The following PCDH15 variants were observed in gnomAD, a reference collection of about 807,000 sequenced individuals.
PCDH15 encodes the protein protocadherin related 15, also known as protocadherin-15.
PCDH15 carries 129 observed loss-of-function variants against 178.5 expected under a neutral mutation model. The observed-to-expected ratio is 0.72, with a 90% CI of 0.63 to 0.84. The LOEUF is 0.84. PCDH15 is among the 40% of genes least tolerant of loss of function. The pLI, the probability that PCDH15 is intolerant of heterozygous loss-of-function variation, is 0.00. For synonymous variants in PCDH15, 800 were observed against 732.0 expected (o/e 1.09, Z -1.50); for missense variants, 2,230 against 2,099.9 (o/e 1.06, Z -1.21).
intron 1 of PCDH15, among the ~76,000 whole-genome samples, chr10:54,778,407 G>A (rs193201430): frequency 7.2e-5 from 11 of 152,098 alleles, no homozygotes; most frequent in Admixed American, 2.0e-4. Context: ...GTGGAGGGGC[G>A]TTATCAGCTA....
intron 1 of PCDH15, among the ~76,000 whole-genome samples, chr10:54,759,960 G>A (rs1175592616): frequency 1.3e-5 from 2 of 152,116 alleles, no homozygotes; most frequent in Admixed American, 1.3e-4. Context: ...TTTATTTCAT[G>A]ACCTTATCCC....
intron 15 of PCDH15, among the ~76,000 whole-genome samples, chr10:54,093,345 G>A (rs2094634798): frequency 6.6e-6 from 1 of 151,994 alleles, no homozygotes; most frequent in Non-Finnish European, 1.5e-5. Flanking sequence ...GGTCGAGGGT[G>A]GTATAATAAT....
chr10:54,370,463 G>A (rs772845489), intron 4 of PCDH15, among the ~76,000 whole-genome samples: 1 of 151,842 alleles, frequency 6.6e-6, no homozygotes, highest in Non-Finnish European at 1.5e-5. Flanking sequence ...CAACCTGTGT[G>A]TTATTTTAGT....
At chr10:54,386,067 G>T (rs1949880661) in intron 3 of PCDH15, among the ~76,000 whole-genome samples, 1 of 149,990 alleles carries the variant, frequency 6.7e-6, no homozygotes, top group African/African-American at 2.5e-5. Context: ...CATTGGTTTT[G>T]TATCCTACTA....
chr10:54,360,095 A>C (rs1322775641), intron 5 of PCDH15, among the ~76,000 whole-genome samples: 2 of 152,086 alleles, frequency 1.3e-5, no homozygotes, highest in Non-Finnish European at 2.9e-5. Context: ...CAAAAGTTAC[A>C]TTTGCCCTGT....
intron 2 of PCDH15, among the ~76,000 whole-genome samples, chr10:55,143,121 C>G (rs1838399105): frequency 1.3e-5 from 2 of 152,098 alleles, no homozygotes; most frequent in South Asian, 2.1e-4. Flanking sequence ...GTAAGTGGTG[C>G]CTTGCTTCCC....
At chr10:54,304,266 T>C (rs1358130990) in intron 8 of PCDH15, among the ~76,000 whole-genome samples, 3 of 152,104 alleles carry the variant, frequency 2.0e-5, no homozygotes, top group Non-Finnish European at 2.9e-5. Flanking sequence ...AAAACAGAGC[T>C]ACTATAAATT....
At chr10:53,921,346 C>T (rs2083981893) in intron 25 of PCDH15, among the ~76,000 whole-genome samples, 1 of 152,080 alleles carries the variant, frequency 6.6e-6, no homozygotes, top group Non-Finnish European at 1.5e-5. Context: ...TCTACACCAA[C>T]CTTACCAAGC....
chr10:54,944,446 C>A (rs535308924), intron 2 of PCDH15, among the ~76,000 whole-genome samples: 31 of 151,806 alleles, frequency 2.0e-4, no homozygotes, highest in African/African-American at 7.2e-4. Flanking sequence ...GGTTGAGAAG[C>A]GCAAGATTAA....
At chr10:54,904,956 T>C (rs1190498998) in intron 2 of PCDH15, among the ~76,000 whole-genome samples, 1 of 148,708 alleles carries the variant, frequency 6.7e-6, no homozygotes, top group Non-Finnish European at 1.5e-5. Flanking sequence ...CTTTTGTTCC[T>C]TGAGCATCTG....
intron 2 of PCDH15, among the ~76,000 whole-genome samples, chr10:54,638,385 C>T (rs1490981016): frequency 6.6e-6 from 1 of 151,966 alleles, no homozygotes; most frequent in East Asian, 1.9e-4. Flanking sequence ...TTTCAAAATT[C>T]AAGTTTTGAA....
At chr10:54,547,925 C>T (rs2086043526) in intron 2 of PCDH15, among the ~76,000 whole-genome samples, 1 of 151,642 alleles carries the variant, frequency 6.6e-6, no homozygotes. Flanking sequence ...CTCTTTCTCC[C>T]CATCTTCTAT....
intron 14 of PCDH15, among the ~76,000 whole-genome samples, chr10:54,135,850 T>C (rs1013125527): frequency 6.6e-6 from 1 of 152,080 alleles, no homozygotes; most frequent in African/African-American, 2.4e-5. Flanking sequence ...TATTTCCACA[T>C]AATAAGTGGG....
chr10:55,374,277 G>C (rs1396658616), intron 2 of PCDH15, among the ~76,000 whole-genome samples: 1 of 152,082 alleles, frequency 6.6e-6, no homozygotes, highest in Admixed American at 6.6e-5. Flanking sequence ...TTCAGCAGAA[G>C]AGGGATGTGT....
chr10:55,594,481 T>C lies in PCDH15; in HGVS notation c.-156+33144A>G, dbSNP rs532176067. ...GTCTAGACAATGTTTGAAGTTTAAG[T>C]TGGTTAATTGCAATGGAAAAACTGC... On this transcript the variant is annotated intron_variant, in intron 2 of 5. Transcript: ENST00000613346. Among the ~76,000 whole-genome samples, 6 of 152,138 alleles carry C rather than the reference T, an allele frequency of 3.9e-5. No individual in the cohort carries two copies. In the East Asian group the frequency reaches 1.2e-3, roughly 29 times the overall value.
In PCDH15 at chr10:54,608,839, GA is replaced by G. The variant is rs936350977; in HGVS notation, c.91+55332del. Among the ~76,000 whole-genome samples the G allele has an allele frequency of 6.5e-4, 98 of 149,756 alleles. 1 individual carries two copies. The highest frequency in any genetic ancestry group is 6.3e-3 in the Admixed American group (94 of 15,012). On this transcript the variant is annotated intron_variant, in intron 2 of 37. Coordinates refer to ENST00000644397, the MANE Select transcript of PCDH15 (RefSeq NM_001384140.1). The stretch of plus-strand genomic sequence containing the variant: ...AAAAAAGAAGAAGAAGAAGAAATGA[GA>G]AAAAAAAATCAGTCCCTAGCTAGAA...
intron 25 of PCDH15, among the ~76,000 whole-genome samples, chr10:53,925,113 CCT>C (rs2084390208): frequency 6.6e-6 from 1 of 152,108 alleles, no homozygotes; most frequent in Non-Finnish European, 1.5e-5. Context: ...CAGCTGGGGT[CCT>C]CTTCCACACT....
intron 2 of PCDH15, among the ~76,000 whole-genome samples, chr10:54,642,645 A>C (rs559753548): frequency 1.3e-4 from 20 of 152,318 alleles, no homozygotes; most frequent in Admixed American, 4.6e-4. Context: ...TGTTTCTCTT[A>C]CTAAAGACAT....
At chr10:55,040,434 A>G (rs1840837451) in intron 2 of PCDH15, among the ~76,000 whole-genome samples, 1 of 151,942 alleles carries the variant, frequency 6.6e-6, no homozygotes, top group South Asian at 2.1e-4. Flanking sequence ...AGATTTCCCA[A>G]TGCAGTGAGT....
Sources: allele counts gnomAD v4.1 joint callset (sites outside exome capture counted in the v4.1 genomes callset), GRCh38; gene constraint gnomAD v4.1.1; transcripts MANE v1.5; gene names NCBI Gene and HGNC (gene_info 2026-07-23, HGNC 2026-07-21).